Variants in INSL6 observed in about 807,000 individuals in gnomAD.
The protein encoded by INSL6 is insulin like 6.
Under a neutral mutation model 9.4 loss-of-function variants are expected in INSL6, and 16 were observed. The observed-to-expected ratio is 1.70, with a 90% confidence interval of 1.15 to 2.59. The LOEUF (loss-of-function observed/expected upper bound fraction) is 2.59, where lower values mean the gene tolerates loss of function less well. Ranked by LOEUF, INSL6 falls within the 30% of genes most tolerant of loss-of-function variation. The pLI is 0.00. For synonymous variants in INSL6, 154 were observed against 96.9 expected, an observed-to-expected ratio of 1.59 and a Z score of -3.46; for missense variants, 391 against 257.3, an observed-to-expected ratio of 1.52 and a Z score of -3.56.
chr9:5,115,716 G>C, the INSL6 span, among the ~76,000 whole-genome samples: 2 of 152,198 alleles, frequency 1.3e-5, no homozygotes, highest in South Asian at 4.1e-4. Context: ...ATACACCATG[G>C]AATACTATGC....
the INSL6 span, among the ~76,000 whole-genome samples, chr9:5,030,209 T>C: frequency 6.6e-6 from 1 of 152,210 alleles, no homozygotes; most frequent in Non-Finnish European, 1.5e-5. Context: ...CCTAAATGTT[T>C]GGGATATTGC....
chr9:5,159,547 A>G (rs1251758658), downstream of INSL6, among the ~76,000 whole-genome samples: 1 of 152,208 alleles, frequency 6.6e-6, no homozygotes, highest in African/African-American at 2.4e-5. Context: ...AAACTATAAA[A>G]AGAGAGAAGA....
At chr9:5,123,841 T>C (rs1823793648), downstream of INSL6, among the ~76,000 whole-genome samples, 1 of 151,760 alleles carries the variant, frequency 6.6e-6, no homozygotes, top group African/African-American at 2.4e-5. Context: ...CATTTTTTTT[T>C]CCATTCTGAC....
At chr9:5,001,269 C>A in the INSL6 span, among the ~76,000 whole-genome samples, 1 of 152,040 alleles carries the variant, frequency 6.6e-6, no homozygotes, top group Admixed American at 6.6e-5. Context: ...TTTCCTTGTT[C>A]CTGATTTTAT....
At chr9:5,171,795 C>T (rs1825187814) in intron 1 of INSL6, among the ~76,000 whole-genome samples, 1 of 152,084 alleles carries the variant, frequency 6.6e-6, no homozygotes, top group African/African-American at 2.4e-5. Flanking sequence ...CATGAAGGAC[C>T]TCTTCAAGGA....
the INSL6 span, chr9:5,069,039 A>G: frequency 6.3e-7 from 1 of 1,593,248 alleles, no homozygotes; most frequent in South Asian, 1.1e-5. Context: ...ATGTCATTGA[A>G]TATAAACACT....
the INSL6 span, among the ~76,000 whole-genome samples, chr9:5,024,279 G>A: frequency 6.6e-6 from 1 of 152,032 alleles, no homozygotes; most frequent in South Asian, 2.1e-4. Context: ...TTTTTGGCTT[G>A]TAAGATTCAT....
intron 3 of INSL6, chr9:5,132,964 C>T (rs372445250): frequency 4.6e-5 from 7 of 152,180 alleles, no homozygotes; most frequent in Admixed American, 2.0e-4. Context: ...CAAATAATCT[C>T]ATCATCCATA....
At chr9:5,157,348 G>A (rs1281675584) in intron 2 of INSL6, among the ~76,000 whole-genome samples, 1 of 152,078 alleles carries the variant, frequency 6.6e-6, no homozygotes, top group Non-Finnish European at 1.5e-5. Flanking sequence ...ATTTAAAGAT[G>A]TAATATACAT....
the INSL6 span, among the ~76,000 whole-genome samples, chr9:5,063,010 T>G: frequency 7.2e-5 from 11 of 152,308 alleles, no homozygotes; most frequent in African/African-American, 2.4e-4. Context: ...TAATTTTGTT[T>G]AGGATACCTT....
the INSL6 span, among the ~76,000 whole-genome samples, chr9:5,011,392 G>T: frequency 6.6e-6 from 1 of 152,000 alleles, no homozygotes; most frequent in Non-Finnish European, 1.5e-5. Flanking sequence ...GTCTTGCTAT[G>T]TTGCCAGGGC....
chr9:5,064,525 CAAAAAAA>C, the INSL6 span, among the ~76,000 whole-genome samples: 6 of 84,716 alleles, frequency 7.1e-5, no homozygotes, highest in Admixed American at 3.7e-4. Context: ...GCAAGACTCT[CAAAAAAA>C]AAAAAAAAGA....
chr9:5,117,940 T>A, the INSL6 span, among the ~76,000 whole-genome samples: 1 of 152,226 alleles, frequency 6.6e-6, no homozygotes, highest in Non-Finnish European at 1.5e-5. Flanking sequence ...ACTAAAAGAA[T>A]TTAGAAAAAC....
intron 3 of INSL6, chr9:5,126,851 C>T (rs888181866): frequency 1.4e-4 from 140 of 991,870 alleles, no homozygotes; most frequent in Non-Finnish European, 2.1e-4. Context: ...TTATATTTCA[C>T]ATTGCTGTGG....
At chr9:5,069,900 A>C in the INSL6 span, 1 of 1,496,650 alleles carries the variant, frequency 6.7e-7, no homozygotes, top group Non-Finnish European at 9.2e-7. Flanking sequence ...TTTTGAAGTG[A>C]TATATATGTA....
the INSL6 span, chr9:5,098,741 T>G: frequency 1.3e-5 from 2 of 151,850 alleles, no homozygotes; most frequent in African/African-American, 4.8e-5. Flanking sequence ...TCGCCCAGGC[T>G]GCAGTGCAGT....
the INSL6 span, among the ~76,000 whole-genome samples, chr9:5,092,520 C>T: frequency 1.3e-5 from 2 of 152,014 alleles, no homozygotes; most frequent in Non-Finnish European, 2.9e-5. Context: ...ATTAAACCAT[C>T]GTAATCAAAC....
At chr9:5,060,234 C>T in the INSL6 span, among the ~76,000 whole-genome samples, 1,072 of 152,272 alleles carry the variant, frequency 7.0e-3, 9 homozygotes, top group African/African-American at 0.025. Flanking sequence ...ATGTTGATGG[C>T]TGCTGACCGA....
chr9:5,114,282 G>A, the INSL6 span: 18 of 543,296 alleles, frequency 3.3e-5, no homozygotes, highest in Non-Finnish European at 3.6e-6. Context: ...ACCCAGCAAG[G>A]AGAACGTGAA....
Sources: gnomAD v4.1 joint callset for allele counts (sites outside exome capture counted in the v4.1 genomes callset) on GRCh38, gnomAD v4.1.1 for gene constraint, MANE v1.5 for transcripts, NCBI Gene and HGNC (gene_info 2026-07-23, HGNC 2026-07-21) for gene names.